Variants in STARD13 observed in about 807,000 individuals in gnomAD.
STARD13 encodes the protein StAR related lipid transfer domain containing 13, also known as stAR-related lipid transfer protein 13.
STARD13 carries 62 observed loss-of-function variants against 106.4 expected under a neutral mutation model. The ratio of observed to expected loss-of-function variants is 0.58; its 90% CI spans 0.48 to 0.72. STARD13 has a LOEUF of 0.72. Ranked by LOEUF, STARD13 falls within the 30% of genes least tolerant of loss-of-function variation. STARD13 has a pLI of 0.00. For missense variants in STARD13, 1,387 were observed against 1,424.0 expected, an observed-to-expected ratio of 0.97 and a Z score of 0.42; for synonymous variants, 565 against 553.0, an observed-to-expected ratio of 1.02 and a Z score of -0.31.
the STARD13 span, chr13:33,611,438 G>A: frequency 6.6e-6 from 1 of 152,316 alleles, no homozygotes; most frequent in East Asian, 1.9e-4. Flanking sequence ...TAGATTTATG[G>A]AAGTCAATTC....
the STARD13 span, among the ~76,000 whole-genome samples, chr13:33,465,971 A>G: frequency 6.6e-6 from 1 of 152,116 alleles, no homozygotes; most frequent in Admixed American, 6.5e-5. Context: ...TAACCTTCCA[A>G]TCACTTATTG....
At chr13:33,162,431 C>T (rs1473250276) in intron 3 of STARD13, among the ~76,000 whole-genome samples, 1 of 152,232 alleles carries the variant, frequency 6.6e-6, no homozygotes, top group African/African-American at 2.4e-5. Flanking sequence ...TTTCTTCAGC[C>T]AGCTTGAATT....
the STARD13 span, among the ~76,000 whole-genome samples, chr13:33,368,840 G>T: frequency 6.6e-6 from 1 of 152,212 alleles, no homozygotes; most frequent in South Asian, 2.1e-4. Flanking sequence ...AGGCAGGCAG[G>T]AGTTTCCGGC....
At chr13:33,461,959 C>A in the STARD13 span, among the ~76,000 whole-genome samples, 1 of 152,126 alleles carries the variant, frequency 6.6e-6, no homozygotes, top group African/African-American at 2.4e-5. Flanking sequence ...ATATGATTTT[C>A]TCTCTAATTT....
At chr13:33,441,422 A>T in the STARD13 span, among the ~76,000 whole-genome samples, 3 of 152,136 alleles carry the variant, frequency 2.0e-5, no homozygotes, top group African/African-American at 7.2e-5. Flanking sequence ...TGTGGTTAAG[A>T]TAATATGTTT....
chr13:33,480,368 T>A, the STARD13 span, among the ~76,000 whole-genome samples: 2 of 152,224 alleles, frequency 1.3e-5, no homozygotes, highest in African/African-American at 4.8e-5. Context: ...AAGCTAAATA[T>A]GTATCCACTT....
rs373860144 is a variant in STARD13, at chr13:33,185,956, G to A, written c.170-18334C>T. On this transcript the variant is annotated intron_variant, in intron 1 of 13. Transcript: ENST00000336934. Reference sequence around the variant, plus strand: ...GTGTCTTTGCATTCTCTGCACCAGCGCAGCACCAAGCACCACAAAGGGGCC... The same window carrying A: ...GTGTCTTTGCATTCTCTGCACCAGCACAGCACCAAGCACCACAAAGGGGCC... 1.7e-5 allele frequency: 27 copies of A among 1,614,164 alleles called. No individual in the cohort carries two copies. In the African/African-American group the frequency reaches 2.7e-4, roughly 16 times the overall value.
At chr13:33,622,614 CAAAAAAAA>C in the STARD13 span, among the ~76,000 whole-genome samples, 3 of 28,180 alleles carry the variant, frequency 1.1e-4, no homozygotes, top group African/African-American at 3.0e-4. Flanking sequence ...GACTCCGTCT[CAAAAAAAA>C]AAAAAAAAAA....
intron 1 of STARD13, among the ~76,000 whole-genome samples, chr13:33,309,926 T>G (rs4306387): frequency 6.6e-6 from 1 of 152,102 alleles, no homozygotes; most frequent in South Asian, 2.1e-4. Flanking sequence ...TGGAATCACA[T>G]TTCTAGATCT....
At chr13:33,469,142 C>T in the STARD13 span, among the ~76,000 whole-genome samples, 2 of 152,172 alleles carry the variant, frequency 1.3e-5, no homozygotes, top group Non-Finnish European at 2.9e-5. Flanking sequence ...TAAATTCTCT[C>T]ATTTTCCCCT....
the STARD13 span, among the ~76,000 whole-genome samples, chr13:33,528,247 T>TATATACATATATATATAC: frequency 1.5e-5 from 2 of 131,890 alleles, no homozygotes; most frequent in Admixed American, 7.5e-5. Context: ...TATATACATA[T>TATATACATATATATATAC]ATATATATAC....
chr13:33,242,655 T>G (rs1889589085), intron 1 of STARD13, among the ~76,000 whole-genome samples: 1 of 151,850 alleles, frequency 6.6e-6, no homozygotes, highest in African/African-American at 2.4e-5. Flanking sequence ...CAGAGACCTT[T>G]GTTCACATGT....
At chr13:33,125,291 T>C (rs1384447735) in intron 7 of STARD13, among the ~76,000 whole-genome samples, 1 of 152,244 alleles carries the variant, frequency 6.6e-6, no homozygotes, top group African/African-American at 2.4e-5. Flanking sequence ...AATAGCTGCC[T>C]GGAAATATAC....
chr13:33,635,896 A>G, the STARD13 span, among the ~76,000 whole-genome samples: 2 of 151,810 alleles, frequency 1.3e-5, no homozygotes, highest in African/African-American at 4.8e-5. Context: ...AGGCAGGAGA[A>G]TGGCGTGAAC....
the STARD13 span, among the ~76,000 whole-genome samples, chr13:33,550,141 C>T: frequency 6.6e-6 from 1 of 152,142 alleles, no homozygotes; most frequent in South Asian, 2.1e-4. Context: ...GAATCCTTAT[C>T]AAGCAGTGCC....
chr13:33,242,654 T>C (rs1209672203), intron 1 of STARD13, among the ~76,000 whole-genome samples: 2 of 151,948 alleles, frequency 1.3e-5, no homozygotes, highest in Non-Finnish European at 2.9e-5. Flanking sequence ...CCAGAGACCT[T>C]TGTTCACATG....
chr13:33,134,007 T>C (rs527417101), intron 4 of STARD13, among the ~76,000 whole-genome samples: 1 of 152,174 alleles, frequency 6.6e-6, no homozygotes, highest in Non-Finnish European at 1.5e-5. Flanking sequence ...AAAATGGAAA[T>C]CTCTAGGAGT....
intron 1 of STARD13, among the ~76,000 whole-genome samples, chr13:33,241,733 G>T (rs1257351454): frequency 6.6e-6 from 1 of 152,144 alleles, no homozygotes; most frequent in African/African-American, 2.4e-5. Flanking sequence ...GTGGAGATGG[G>T]GTTTCGCAGT....
chr13:33,371,750 T>C, the STARD13 span, among the ~76,000 whole-genome samples: 1 of 152,236 alleles, frequency 6.6e-6, no homozygotes, highest in African/African-American at 2.4e-5. Context: ...GTCTCTTTTC[T>C]AAAGTTATAT....
Sources: allele counts gnomAD v4.1 joint callset (sites outside exome capture counted in the v4.1 genomes callset), GRCh38; gene constraint gnomAD v4.1.1; transcripts MANE v1.5; gene names NCBI Gene and HGNC (gene_info 2026-07-23, HGNC 2026-07-21).